ZSWIM6: variants seen among roughly 807,000 people sequenced by gnomAD.
ZSWIM6 encodes the protein zinc finger SWIM-type containing 6.
ZSWIM6 carries 9 observed loss-of-function variants against 113.2 expected under a neutral mutation model. The observed-to-expected ratio is 0.08, with a 90% CI of 0.05 to 0.14. ZSWIM6 has a LOEUF of 0.14. Ranked by LOEUF, ZSWIM6 falls within the 10% of genes least tolerant of loss-of-function variation. The pLI is 1.00. For synonymous variants in ZSWIM6, 611 were observed against 606.5 expected, an observed-to-expected ratio of 1.01 and a Z score of -0.11; for missense variants, 1,162 against 1,552.2, an observed-to-expected ratio of 0.75 and a Z score of 4.22.
intron 9 of ZSWIM6, among the ~76,000 whole-genome samples, chr5:61,534,487 T>G (rs1749522567): frequency 6.6e-6 from 1 of 152,208 alleles, no homozygotes; most frequent in East Asian, 1.9e-4. Flanking sequence ...CACTGGTTTT[T>G]CTCATGGAAA....
intron 1 of ZSWIM6, 69 bp downstream of exon 1, chr5:61,333,017 C>T (rs1282450448): frequency 2.3e-5 from 26 of 1,110,070 alleles, no homozygotes; most frequent in Non-Finnish European, 2.9e-5. Flanking sequence ...GGGTGCCCGC[C>T]TTTCTCCTGC....
intron 1 of ZSWIM6, among the ~76,000 whole-genome samples, chr5:61,419,180 A>G (rs1746309639): frequency 6.6e-6 from 1 of 152,258 alleles, no homozygotes; most frequent in Non-Finnish European, 1.5e-5. Context: ...TTCTCTCAGG[A>G]AAGCCATTGT....
intron 1 of ZSWIM6, among the ~76,000 whole-genome samples, chr5:61,398,613 C>T (rs116123930): frequency 8.5e-5 from 13 of 152,200 alleles, no homozygotes; most frequent in East Asian, 1.9e-4. Context: ...CTTGGAACCT[C>T]GTTTTTCCTT....
At chr5:61,350,522 A>G (rs1489662797) in intron 1 of ZSWIM6, among the ~76,000 whole-genome samples, 2 of 152,154 alleles carry the variant, frequency 1.3e-5, no homozygotes, top group Admixed American at 1.3e-4. Context: ...AGAGATTCTC[A>G]GTCTCCATGG....
At chr5:61,440,768 A>G (rs1209022852) in intron 1 of ZSWIM6, among the ~76,000 whole-genome samples, 1 of 152,146 alleles carries the variant, frequency 6.6e-6, no homozygotes. Flanking sequence ...TTTCTGTTCT[A>G]TTCAACCAAT....
chr5:61,393,463 G>A (rs1745773046), intron 1 of ZSWIM6, among the ~76,000 whole-genome samples: 1 of 152,178 alleles, frequency 6.6e-6, no homozygotes, highest in Admixed American at 6.5e-5. Context: ...TCTAGAAGTA[G>A]AATTGCTTAT....
intron 1 of ZSWIM6, among the ~76,000 whole-genome samples, chr5:61,378,873 C>T (rs1385608859): frequency 6.6e-6 from 1 of 151,902 alleles, no homozygotes; most frequent in Non-Finnish European, 1.5e-5. Context: ...CAGTTTTAAG[C>T]CATAATAAAA....
chr5:61,409,146 T>G (rs558255432), intron 1 of ZSWIM6, among the ~76,000 whole-genome samples: 1 of 145,274 alleles, frequency 6.9e-6, no homozygotes, highest in East Asian at 2.0e-4. Flanking sequence ...GTATTAAGTA[T>G]AAGCACAAAA....
At position 61,545,833 on chromosome 5, in the gene ZSWIM6, G is replaced by A. The variant is rs1308802987; in HGVS notation, c.*1516G>A. The A allele has an allele frequency of 6.6e-6, 1 of 151,976 alleles. No individual in the cohort carries two copies. The highest frequency in any genetic ancestry group is 1.5e-5 in the Non-Finnish European group (1 of 67,976). The allele number at this position is 151,976 out of a possible 1,614,324, so 9.4% of individuals were successfully genotyped here. A position where few individuals can be genotyped will look rare whatever the true frequency, so the allele number is the denominator to read the frequency against. On this transcript the variant is annotated 3_prime_UTR_variant, in exon 14 of 14. Transcript: ENST00000252744. ...TATAGTGTCTTTACTTTAGCTGATG[G>A]TTCTGTAACCTTGTGCTTTTTAAAG... is the stretch of plus-strand genomic sequence containing the variant.
At chr5:61,535,640 T>G in intron 10 of ZSWIM6, 21 bp downstream of exon 10, 2 of 1,550,192 alleles carry the variant, frequency 1.3e-6, no homozygotes, top group Non-Finnish European at 1.7e-6. Context: ...ACAGCCCAGC[T>G]GGGCAGAGGC....
intron 1 of ZSWIM6, among the ~76,000 whole-genome samples, chr5:61,464,526 T>C (rs190317303): frequency 1.3e-5 from 2 of 152,176 alleles, no homozygotes; most frequent in Non-Finnish European, 2.9e-5. Context: ...GTTGTGAGAA[T>C]TAAGTGGGTT....
intron 1 of ZSWIM6, among the ~76,000 whole-genome samples, chr5:61,469,793 C>T (rs570970344): frequency 6.6e-6 from 1 of 152,186 alleles, no homozygotes; most frequent in South Asian, 2.1e-4. Context: ...CTGCAAGCTC[C>T]GCCTCCCGGG....
chr5:61,372,426 G>A (rs1216121325), intron 1 of ZSWIM6, among the ~76,000 whole-genome samples: 1 of 152,090 alleles, frequency 6.6e-6, no homozygotes, highest in Non-Finnish European at 1.5e-5. Context: ...GCTAAATTCA[G>A]TGGGCTCTTC....
chr5:61,380,265 G>A (rs187674553), intron 1 of ZSWIM6, among the ~76,000 whole-genome samples: 2 of 151,992 alleles, frequency 1.3e-5, no homozygotes, highest in Admixed American at 6.6e-5. Context: ...TAGTAGAGAC[G>A]GGGTTTCGCC....
At chr5:61,535,691 TACTC>T in intron 10 of ZSWIM6, 72 bp downstream of exon 10, 1 of 1,513,528 alleles carries the variant, frequency 6.6e-7, no homozygotes, top group South Asian at 1.2e-5. Context: ...TTAACTGACT[TACTC>T]CTTCATGTTT....
intron 4 of ZSWIM6, among the ~76,000 whole-genome samples, chr5:61,510,611 A>G (rs1184777003): frequency 1.3e-5 from 2 of 151,944 alleles, no homozygotes; most frequent in Admixed American, 1.3e-4. Flanking sequence ...AATAGGCAGT[A>G]TTAGAAAGGA....
intron 1 of ZSWIM6, among the ~76,000 whole-genome samples, chr5:61,393,186 G>A (rs930894855): frequency 6.6e-6 from 1 of 151,196 alleles, no homozygotes; most frequent in Non-Finnish European, 1.5e-5. Context: ...GACTACAGGC[G>A]CACACCACCA....
chr5:61,455,570 G>A (rs983410872), intron 1 of ZSWIM6, among the ~76,000 whole-genome samples: 3 of 152,138 alleles, frequency 2.0e-5, no homozygotes, highest in African/African-American at 7.2e-5. Context: ...TATTAAGTAA[G>A]ATGTCAGCAA....
At chr5:61,451,267 G>A (rs920857260) in intron 1 of ZSWIM6, among the ~76,000 whole-genome samples, 5 of 152,130 alleles carry the variant, frequency 3.3e-5, no homozygotes, top group African/African-American at 7.2e-5. Context: ...GGATACCAAT[G>A]TCAGAGTAAT....
Sources: gnomAD v4.1 joint callset for allele counts (sites outside exome capture counted in the v4.1 genomes callset) on GRCh38, gnomAD v4.1.1 for gene constraint, MANE v1.5 for transcripts, NCBI Gene and HGNC (gene_info 2026-07-23, HGNC 2026-07-21) for gene names.